Variants in CCT3 observed in about 807,000 individuals in gnomAD.
CCT3 encodes chaperonin containing TCP1 subunit 3.
A neutral mutation model predicts 65.3 loss-of-function variants in CCT3; 10 were observed. That is an observed-to-expected ratio of 0.15 (90% CI 0.09 to 0.26). CCT3 has a LOEUF of 0.26. Ranked by LOEUF, CCT3 falls within the 10% of genes least tolerant of loss-of-function variation. CCT3 has a pLI of 1.00. For synonymous variants in CCT3, 225 were observed against 242.3 expected, an observed-to-expected ratio of 0.93 and a Z score of 0.66; for missense variants, 626 against 708.7, an observed-to-expected ratio of 0.88 and a Z score of 1.33.
In CCT3 at chr1:156,311,028, G is replaced by A. The variant is rs558810550; in HGVS notation, c.1323C>T (p.Ala441=). ...TACGAGGAATGACCTCTAGGGCCTG[G>A]GCAACAGCCCTGTATGGCCATTGTT... ...GVEQWPYRAV[A]QALEVIPRTL... is the part of the protein sequence containing the mutation. Residue 441 remains alanine, a synonymous_variant, in exon 12 of 14, where the codon GCC becomes GCT. Transcript: ENST00000295688. 1.9e-6 allele frequency: 3 copies of A among 1,614,098 alleles called. No individual in the cohort carries two copies. The highest frequency in any genetic ancestry group is 2.2e-5 in the East Asian group (1 of 44,876).
chr1:156,315,675 T>C (rs1000928027), intron 10 of CCT3, among the ~76,000 whole-genome samples: 3 of 152,172 alleles, frequency 2.0e-5, no homozygotes, highest in Non-Finnish European at 4.4e-5. Context: ...TATACATGGA[T>C]TTTCAACTCC....
At chr1:156,316,989 C>T (rs190755387) in intron 10 of CCT3, among the ~76,000 whole-genome samples, 177 bp downstream of exon 10, 3 of 152,302 alleles carry the variant, frequency 2.0e-5, no homozygotes, top group South Asian at 2.1e-4. Context: ...ATGAGACTCA[C>T]GCAGTAAATA....
At position 156,328,250 on chromosome 1, in the gene CCT3, G is replaced by A. The variant is rs1182478069; in HGVS notation, c.305-3161C>T. Reference sequence around the variant, plus strand: ...AGGGAGGTAGGGGGGTCAGCCCCCGGCCCGGCCAGCCGCCCCATCCGGGAG... The same window carrying A: ...AGGGAGGTAGGGGGGTCAGCCCCCGACCCGGCCAGCCGCCCCATCCGGGAG... On this transcript the variant is annotated intron_variant, in intron 5 of 13. Coordinates refer to ENST00000295688, the MANE Select transcript of CCT3 (RefSeq NM_005998.5). Among the ~76,000 whole-genome samples the A allele has an allele frequency of 1.6e-4, 23 of 140,434 alleles. 1 individual carries two copies. Among genetic ancestry groups the A allele is most frequent in the African/African-American group, 5.3e-4 (21 of 39,504 alleles). 92.1% of individuals were successfully genotyped at this position (140,434 alleles called of 152,430 possible).
chr1:156,327,215 T>G (rs1054685770), intron 5 of CCT3, among the ~76,000 whole-genome samples: 3 of 152,254 alleles, frequency 2.0e-5, no homozygotes, highest in Non-Finnish European at 2.9e-5. Flanking sequence ...TTGCTTGTAC[T>G]ACCTGCTTAC....
intron 8 of CCT3, 126 bp downstream of exon 8, chr1:156,318,742 T>C: frequency 1.3e-6 from 1 of 787,858 alleles, no homozygotes; most frequent in East Asian, 2.8e-5. Context: ...TCTAAAGGAT[T>C]GTTCTAAGAG....
chr1:156,332,411 T>C (rs962905775), intron 5 of CCT3, among the ~76,000 whole-genome samples: 7 of 152,216 alleles, frequency 4.6e-5, no homozygotes, highest in South Asian at 2.1e-4. Flanking sequence ...TGAAAAATAA[T>C]TCTTTATGAT....
chr1:156,311,585 T>C (rs1274003332), intron 11 of CCT3, among the ~76,000 whole-genome samples: 1 of 152,228 alleles, frequency 6.6e-6, no homozygotes, highest in African/African-American at 2.4e-5. Flanking sequence ...GGAGGTTGCA[T>C]GGTGTTGTAC....
At chr1:156,331,439 T>TC (rs1665091862) in intron 5 of CCT3, among the ~76,000 whole-genome samples, 2 of 152,148 alleles carry the variant, frequency 1.3e-5, no homozygotes, top group African/African-American at 4.8e-5. Flanking sequence ...TCCCAGTACT[T>TC]TGGAAGGCCG....
intron 5 of CCT3, among the ~76,000 whole-genome samples, chr1:156,331,146 C>T (rs901085315): frequency 4.6e-5 from 7 of 151,174 alleles, no homozygotes; most frequent in Admixed American, 1.3e-4. Flanking sequence ...GCAGGAGAAT[C>T]GCTTGAACCC....
intron 5 of CCT3, among the ~76,000 whole-genome samples, chr1:156,326,544 G>A (rs1664814644): frequency 6.6e-6 from 1 of 151,102 alleles, no homozygotes; most frequent in African/African-American, 2.4e-5. Flanking sequence ...TAGCTACTCG[G>A]GAGGCTGAGG....
chr1:156,334,968 T>C (rs766324694), intron 2 of CCT3, 50 bp from the exon 3 acceptor site: 8 of 1,543,486 alleles, frequency 5.2e-6, no homozygotes, highest in Non-Finnish European at 5.4e-6. Flanking sequence ...GAGGACAGTG[T>C]GAGAAATGTT....
intron 1 of CCT3, chr1:156,336,989 G>T (rs1665410646): frequency 1.3e-6 from 1 of 754,802 alleles, no homozygotes; most frequent in Non-Finnish European, 1.8e-6. Context: ...CTGAAAGGCA[G>T]TCAGTATACA....
At chr1:156,314,086 C>CAA (rs139747435) in intron 10 of CCT3, among the ~76,000 whole-genome samples, 2 of 96,496 alleles carry the variant, frequency 2.1e-5, no homozygotes, top group Admixed American at 2.2e-4. Flanking sequence ...ACTCTGTCTC[C>CAA]AAAAAAAAAA....
chr1:156,333,378 C>A (rs569378553), intron 5 of CCT3, 169 bp downstream of exon 5: 110 of 577,718 alleles, frequency 1.9e-4, no homozygotes, highest in Middle Eastern at 1.4e-3. Flanking sequence ...GCATAGCTCA[C>A]CCTATTCATA....
In CCT3 at chr1:156,325,046, C is replaced by A; in HGVS notation, c.348G>T (p.Gln116His). The change falls in exon 6 of 14, where the codon CAG becomes CAT. Residue 116 changes from glutamine (Q) to histidine (H), a missense_variant. By Grantham distance (24) the Gln-to-His change is conservative. Coordinates refer to ENST00000295688, the MANE Select transcript of CCT3 (RefSeq NM_005998.5). ...CACTGATCACCACTGTTGGGTGCAT[C>A]TGCTGCTCCAGGAAGTGCTCAGCTA... Reference protein sequence around the residue: ...LSVAEHFLEQQMHPTVVISAY... With the variant: ...LSVAEHFLEQHMHPTVVISAY... 6.2e-7 allele frequency: 1 copy of A among 1,613,700 alleles called. No individual in the cohort carries two copies. Among genetic ancestry groups the A allele is most frequent in the Non-Finnish European group, 8.5e-7 (1 of 1,179,942 alleles).
rs759001271 is a variant in CCT3 at position 156,320,966 on chromosome 1, G to A, written c.482C>T (p.Thr161Ile). The stretch of plus-strand genomic sequence containing the variant: ...TGACCACCGACTGATGGCTTTGGTA[G>A]TAATAGAGCTGTTGATGATGTTCAG... Reference protein sequence around the residue: ...MMLNIINSSITTKAISRWSSL... With the variant: ...MMLNIINSSIITKAISRWSSL... Residue 161 changes from threonine (T) to isoleucine (I), a missense_variant, in exon 7 of 14, where the codon ACT becomes ATT. Physicochemically the swap from Thr to Ile is moderately conservative, Grantham distance 89. Coordinates refer to ENST00000295688, the MANE Select transcript of CCT3 (RefSeq NM_005998.5). 39 of 1,613,988 alleles carry A rather than the reference G, an allele frequency of 2.4e-5. No homozygotes were observed. Among genetic ancestry groups the A allele is most frequent in the Non-Finnish European group, 3.2e-5 (38 of 1,179,974 alleles).
At chr1:156,327,938 C>T (rs1272737492) in intron 5 of CCT3, among the ~76,000 whole-genome samples, 3 of 89,922 alleles carry the variant, frequency 3.3e-5, no homozygotes, top group East Asian at 3.4e-4. Flanking sequence ...TGCCCAGCCG[C>T]GACCCCGTCT....
rs766067761 is a variant in CCT3 at position 156,310,705 on chromosome 1, G to A, written c.1402-16C>T. On this transcript the variant is annotated splice_polypyrimidine_tract_variant and intron_variant, in intron 12 of 13. Coordinates refer to ENST00000295688, the MANE Select transcript of CCT3 (RefSeq NM_005998.5). Reference sequence around the variant, plus strand: ...TGTGCTTGGCCTGCAATTGAAGCAAGAAGTAAAGGGGAAAATAAGTTAACA... The same window carrying A: ...TGTGCTTGGCCTGCAATTGAAGCAAAAAGTAAAGGGGAAAATAAGTTAACA... 6.2e-7 allele frequency: 1 copy of A among 1,612,338 alleles called. No homozygotes were observed. Among genetic ancestry groups the A allele is most frequent in the Non-Finnish European group, 8.5e-7 (1 of 1,179,328 alleles).
chr1:156,316,106 A>AGGGGG (rs1372225094), intron 10 of CCT3, among the ~76,000 whole-genome samples: 1 of 119,812 alleles, frequency 8.3e-6, no homozygotes, highest in Non-Finnish European at 1.8e-5. Context: ...ATAACATGGC[A>AGGGGG]GGGGGGGTGG....
Sources: allele counts gnomAD v4.1 joint callset (sites outside exome capture counted in the v4.1 genomes callset), GRCh38; gene constraint gnomAD v4.1.1; transcripts MANE v1.5; gene names NCBI Gene and HGNC (gene_info 2026-07-23, HGNC 2026-07-21).